CAMTA1: variants seen among roughly 807,000 people sequenced by gnomAD.
CAMTA1 encodes the protein calmodulin-binding transcription activator 1.
CAMTA1 carries 27 observed loss-of-function variants against 170.9 expected under a neutral mutation model. The observed-to-expected ratio is 0.16, with a 90% CI of 0.12 to 0.22. CAMTA1 has a LOEUF of 0.22. Ranked by LOEUF, CAMTA1 falls within the 10% of genes least tolerant of loss-of-function variation. The probability of loss-of-function intolerance (pLI) is 1.00; values close to 1 mark genes in which losing one functional copy is unlikely to be tolerated. For synonymous variants in CAMTA1, 833 were observed against 891.5 expected (o/e 0.93, Z 1.17); for missense variants, 1,619 against 2,217.2 (o/e 0.73, Z 5.42).
rs533133789 is a variant in CAMTA1 at position 7,286,176 on chromosome 1, G to C, written c.438+36550G>C. ...TGAGCCTGCTGGTGGGGGGCAGAGAGGAAAGACCTCACAGGGAGATTGGCA... is the reference window on the plus strand; with the variant it reads ...TGAGCCTGCTGGTGGGGGGCAGAGACGAAAGACCTCACAGGGAGATTGGCA... On this transcript the variant is annotated intron_variant, in intron 5 of 22. Transcript: ENST00000303635. The surrounding 1 kb of genome is among the most constrained non-coding windows in gnomAD (Gnocchi z 4.2). Among the ~76,000 whole-genome samples, 11 of 152,292 alleles carry C rather than the reference G, an allele frequency of 7.2e-5. No individual in the cohort carries two copies. The highest frequency in any genetic ancestry group is 2.4e-4 in the African/African-American group (10 of 41,562).
intron 11 of CAMTA1, among the ~76,000 whole-genome samples, chr1:7,719,514 C>G (rs2096635677): frequency 6.6e-6 from 1 of 152,180 alleles, no homozygotes; most frequent in Non-Finnish European, 1.5e-5. Context: ...TGAAGAAGTC[C>G]TAAGCAGCAT....
rs3737907 is a variant in CAMTA1 at position 7,663,474 on chromosome 1, G to A, written c.927G>A (p.Ser309=). 132,553 of 1,596,440 alleles carry A rather than the reference G, an allele frequency of 0.083. 8,377 individuals carry two copies. The highest frequency in any genetic ancestry group is 0.29 in the Admixed American group (17,390 of 59,420). ...SHSEVQHNDV[S]EGKHEHSHSK... ...CGGAGGTGCAGCACAATGACGTGTCGGAGGGCAAGCACGAGCACAGCCACA... is the reference window on the plus strand; with the variant it reads ...CGGAGGTGCAGCACAATGACGTGTCAGAGGGCAAGCACGAGCACAGCCACA... The change falls in exon 9 of 23, where the codon TCG becomes TCA. Residue 309 remains serine, a synonymous_variant. Transcript: ENST00000303635.
At chr1:7,405,605 C>G (rs1020562227) in intron 5 of CAMTA1, among the ~76,000 whole-genome samples, 7 of 152,146 alleles carry the variant, frequency 4.6e-5, no homozygotes, top group African/African-American at 1.7e-4. Flanking sequence ...CTCCTAGGCT[C>G]AAGTCATCTG....
chr1:7,392,946 G>C (rs2088892513), intron 5 of CAMTA1, among the ~76,000 whole-genome samples: 1 of 151,980 alleles, frequency 6.6e-6, no homozygotes, highest in South Asian at 2.1e-4. Flanking sequence ...CCAGCTACTT[G>C]GGAAGCTGAG....
chr1:6,972,007 C>G (rs1692623772), intron 3 of CAMTA1, among the ~76,000 whole-genome samples: 1 of 152,072 alleles, frequency 6.6e-6, no homozygotes, highest in Admixed American at 6.6e-5. Context: ...GTGTGCAGGG[C>G]AGGACTTTGT....
chr1:7,439,222 G>A (rs1331702793), intron 5 of CAMTA1, among the ~76,000 whole-genome samples: 2 of 152,158 alleles, frequency 1.3e-5, no homozygotes, highest in African/African-American at 2.4e-5. Flanking sequence ...CCCCATTTCT[G>A]TCATACTGCT....
intron 3 of CAMTA1, among the ~76,000 whole-genome samples, chr1:6,990,472 AT>A (rs1479493982): frequency 2.0e-5 from 3 of 152,198 alleles, no homozygotes; most frequent in Non-Finnish European, 2.9e-5. Flanking sequence ...CTAACAGTAC[AT>A]GTCGCCTCTA....
intron 3 of CAMTA1, among the ~76,000 whole-genome samples, chr1:7,026,827 C>T (rs1702088561): frequency 6.6e-6 from 1 of 152,012 alleles, no homozygotes; most frequent in Non-Finnish European, 1.5e-5. Context: ...GACGGGATTT[C>T]ATATGTTGGC....
chr1:7,262,442 A>G (rs1228986522), intron 5 of CAMTA1, among the ~76,000 whole-genome samples: 1 of 152,164 alleles, frequency 6.6e-6, no homozygotes, highest in Non-Finnish European at 1.5e-5. Context: ...CAAGCCTGTA[A>G]TCCCAGCTAC....
In CAMTA1 at chr1:6,970,966, G is replaced by A. The variant is rs1259699111; in HGVS notation, c.235-120338G>A. On this transcript the variant is annotated intron_variant, in intron 3 of 22. Coordinates refer to ENST00000303635, the MANE Select transcript of CAMTA1 (RefSeq NM_015215.4). The surrounding 1 kb of genome is among the most constrained non-coding windows in gnomAD (Gnocchi z 4.4). ...TAAACCAGGCCGGCCCTGTCAGCCT[G>A]GCTCCAAACTTCACTCCCTGGCCTT... Among the ~76,000 whole-genome samples the A allele has an allele frequency of 6.6e-6, 1 of 152,122 alleles. No homozygotes were observed. Among genetic ancestry groups the A allele is most frequent in the African/African-American group, 2.4e-5 (1 of 41,416 alleles).
intron 5 of CAMTA1, among the ~76,000 whole-genome samples, chr1:7,414,860 A>G (rs980647314): frequency 4.6e-5 from 7 of 152,000 alleles, no homozygotes; most frequent in African/African-American, 1.4e-4. Flanking sequence ...TAGGGTGTCA[A>G]TTTTGGATCT....
chr1:7,233,952 T>A (rs921476096), intron 4 of CAMTA1, among the ~76,000 whole-genome samples: 1 of 152,190 alleles, frequency 6.6e-6, no homozygotes, highest in Non-Finnish European at 1.5e-5. Flanking sequence ...TGCCCTCTGC[T>A]TTTTCTTCCT....
At chr1:7,048,767 G>T (rs1705820839) in intron 3 of CAMTA1, among the ~76,000 whole-genome samples, 1 of 152,196 alleles carries the variant, frequency 6.6e-6, no homozygotes, top group African/African-American at 2.4e-5. Flanking sequence ...CCGCACTCAG[G>T]TGTAAGGACC....
chr1:6,785,971 G>A (rs1260972984), intron 1 of CAMTA1, among the ~76,000 whole-genome samples: 1 of 150,258 alleles, frequency 6.7e-6, no homozygotes, highest in Non-Finnish European at 1.5e-5. Flanking sequence ...CTGGGTCCAC[G>A]GTGGGGGCCG....
At chr1:7,108,330 T>C (rs1254713349) in intron 4 of CAMTA1, among the ~76,000 whole-genome samples, 1 of 152,040 alleles carries the variant, frequency 6.6e-6, no homozygotes, top group African/African-American at 2.4e-5. Context: ...TTGTGAGGAG[T>C]ACATGAGTGA....
At chr1:7,627,922 A>C (rs2095644060) in intron 6 of CAMTA1, among the ~76,000 whole-genome samples, 1 of 152,176 alleles carries the variant, frequency 6.6e-6, no homozygotes, top group Admixed American at 6.5e-5. Flanking sequence ...GGTTATTGAC[A>C]CCAGAGGGTC....
At chr1:6,983,615 A>G (rs1363258556) in intron 3 of CAMTA1, among the ~76,000 whole-genome samples, 1 of 152,106 alleles carries the variant, frequency 6.6e-6, no homozygotes, top group Non-Finnish European at 1.5e-5. Context: ...TCTATAACTA[A>G]TTTGTTTACT....
At chr1:7,037,381 C>T (rs1703752489) in intron 3 of CAMTA1, among the ~76,000 whole-genome samples, 1 of 152,080 alleles carries the variant, frequency 6.6e-6, no homozygotes, top group Non-Finnish European at 1.5e-5. Context: ...GAGGATCCCA[C>T]TTGAGGTGGC....
chr1:7,655,299 TAC>T (rs1196951662), intron 7 of CAMTA1, among the ~76,000 whole-genome samples: 16 of 86,804 alleles, frequency 1.8e-4, no homozygotes, highest in South Asian at 8.4e-4. Flanking sequence ...CACACACCTA[TAC>T]ACACACACCG....
Sources: gnomAD v4.1 joint callset for allele counts (sites outside exome capture counted in the v4.1 genomes callset) on GRCh38, gnomAD v4.1.1 for gene constraint, Gnocchi (gnomAD v3.1) non-coding constraint, MANE v1.5 for transcripts, NCBI Gene and HGNC (gene_info 2026-07-23, HGNC 2026-07-21) for gene names.